NAALADL2: variants seen among roughly 807,000 people sequenced by gnomAD.
The protein encoded by NAALADL2 is inactive N-acetylated-alpha-linked acidic dipeptidase-like protein 2.
A neutral mutation model predicts 87.2 loss-of-function variants in NAALADL2; 76 were observed. The ratio of observed to expected loss-of-function variants is 0.87; its 90% CI spans 0.72 to 1.05. The LOEUF is 1.05. Ranked by LOEUF, NAALADL2 falls within the 50% of genes least tolerant of loss-of-function variation. The probability of loss-of-function intolerance (pLI) is 0.00; values close to 1 mark genes in which losing one functional copy is unlikely to be tolerated. For synonymous variants in NAALADL2, 354 were observed against 331.0 expected, an observed-to-expected ratio of 1.07 and a Z score of -0.75; for missense variants, 1,089 against 945.8, an observed-to-expected ratio of 1.15 and a Z score of -1.99.
At chr3:174,973,322 G>C (rs1743940913) in intron 1 of NAALADL2, among the ~76,000 whole-genome samples, 1 of 152,138 alleles carries the variant, frequency 6.6e-6, no homozygotes, top group African/African-American at 2.4e-5. Flanking sequence ...TTTTGTTTTA[G>C]AAGAAAGAAT....
At chr3:174,488,510 G>C (rs1717995432) in intron 1 of NAALADL2, among the ~76,000 whole-genome samples, 1 of 152,014 alleles carries the variant, frequency 6.6e-6, no homozygotes, top group African/African-American at 2.4e-5. Context: ...TTAATGTGCT[G>C]TACAAGACTT....
At chr3:174,958,796 C>T (rs750335165) in intron 1 of NAALADL2, among the ~76,000 whole-genome samples, 30 of 151,936 alleles carry the variant, frequency 2.0e-4, no homozygotes, top group African/African-American at 3.9e-4. Context: ...TCAATCAGTG[C>T]GAAGTTGGAA....
chr3:175,607,175 A>AT (rs1373380581), intron 10 of NAALADL2, among the ~76,000 whole-genome samples: 14 of 152,212 alleles, frequency 9.2e-5, no homozygotes, highest in Non-Finnish European at 1.9e-4. Context: ...TAGATTATAT[A>AT]TTTTTTAAAT....
intron 1 of NAALADL2, among the ~76,000 whole-genome samples, chr3:174,496,439 T>C (rs1481395769): frequency 1.3e-5 from 2 of 151,100 alleles, no homozygotes; most frequent in Non-Finnish European, 2.9e-5. Context: ...TTCTGAATGT[T>C]AAAGATATGT....
intron 4 of NAALADL2, among the ~76,000 whole-genome samples, chr3:175,306,844 T>C (rs1241759742): frequency 6.6e-6 from 1 of 152,090 alleles, no homozygotes; most frequent in Non-Finnish European, 1.5e-5. Context: ...TTCTTAGAGA[T>C]ACTCTATAGG....
chr3:175,658,508 A>C (rs1380199702), intron 11 of NAALADL2, among the ~76,000 whole-genome samples: 4 of 152,144 alleles, frequency 2.6e-5, no homozygotes, highest in African/African-American at 9.7e-5. Flanking sequence ...GAGGACTATA[A>C]AAATCTTTGA....
chr3:175,088,685 C>T (rs1012259797), intron 1 of NAALADL2, among the ~76,000 whole-genome samples: 2 of 151,958 alleles, frequency 1.3e-5, no homozygotes, highest in Non-Finnish European at 2.9e-5. Flanking sequence ...TGTGTAGATA[C>T]AAGCTTCAAC....
chr3:175,769,726 A>AAG (rs1749219671), intron 13 of NAALADL2, among the ~76,000 whole-genome samples: 1 of 151,220 alleles, frequency 6.6e-6, no homozygotes. Flanking sequence ...ATGTGTGTGC[A>AAG]TGTGTGTGTG....
chr3:174,857,191 A>G (rs1033898091), upstream of NAALADL2, among the ~76,000 whole-genome samples: 1 of 152,188 alleles, frequency 6.6e-6, no homozygotes, highest in Non-Finnish European at 1.5e-5. Context: ...AGGCATGTGC[A>G]AAACTCACCA....
At chr3:175,730,152 C>T (rs1024255886) in intron 11 of NAALADL2, among the ~76,000 whole-genome samples, 3 of 151,662 alleles carry the variant, frequency 2.0e-5, no homozygotes, top group African/African-American at 7.3e-5. Context: ...ATTGCAAATA[C>T]AGTCACCATA....
chr3:175,072,794 A>T (rs958972467), intron 1 of NAALADL2, among the ~76,000 whole-genome samples: 1 of 151,688 alleles, frequency 6.6e-6, no homozygotes, highest in Non-Finnish European at 1.5e-5. Context: ...CATATGTAAC[A>T]AACCTGCACA....
chr3:174,832,897 TGTC>T (rs1235848258), intron 3 of NAALADL2, among the ~76,000 whole-genome samples: 4 of 152,196 alleles, frequency 2.6e-5, no homozygotes, highest in African/African-American at 9.6e-5. Flanking sequence ...ACAAAAAAGA[TGTC>T]GTCGTGTAAT....
At chr3:175,372,681 A>G (rs1766657527) in intron 5 of NAALADL2, among the ~76,000 whole-genome samples, 1 of 152,202 alleles carries the variant, frequency 6.6e-6, no homozygotes, top group Non-Finnish European at 1.5e-5. Flanking sequence ...GATGAAATAC[A>G]TTTTATACCT....
intron 2 of NAALADL2, among the ~76,000 whole-genome samples, chr3:174,570,187 C>T (rs573645260): frequency 1.1e-4 from 16 of 151,698 alleles, no homozygotes; most frequent in Non-Finnish European, 1.9e-4. Context: ...TGTTCCAGTA[C>T]ATTTATTGAT....
chr3:175,535,918 T>C (rs80195939), intron 9 of NAALADL2, among the ~76,000 whole-genome samples: 1,825 of 152,312 alleles, frequency 0.012, 7 homozygotes, highest in Non-Finnish European at 0.018. Context: ...AGCACACTTA[T>C]GTGAAATGCA....
intron 5 of NAALADL2, among the ~76,000 whole-genome samples, chr3:175,385,704 A>G (rs1038427995): frequency 6.6e-6 from 1 of 152,166 alleles, no homozygotes; most frequent in Non-Finnish European, 1.5e-5. Context: ...TGAGTATATG[A>G]ATGTATCAAA....
chr3:174,811,040 C>T (rs1720130799), intron 3 of NAALADL2, among the ~76,000 whole-genome samples: 1 of 152,172 alleles, frequency 6.6e-6, no homozygotes, highest in South Asian at 2.1e-4. Context: ...GCCTGTGGTT[C>T]ACAGAGTGCA....
intron 3 of NAALADL2, among the ~76,000 whole-genome samples, chr3:174,840,120 G>A (rs540953779): frequency 2.6e-5 from 4 of 151,510 alleles, no homozygotes; most frequent in South Asian, 4.1e-4. Flanking sequence ...ATCAATCAAC[G>A]AGTGGATAAA....
At chr3:175,067,140 C>T (rs1172120233) in intron 1 of NAALADL2, among the ~76,000 whole-genome samples, 1 of 152,040 alleles carries the variant, frequency 6.6e-6, no homozygotes, top group Non-Finnish European at 1.5e-5. Context: ...CTGTAAAAAT[C>T]CTAGAAGAAA....
Sources: gnomAD v4.1 joint callset for allele counts (sites outside exome capture counted in the v4.1 genomes callset) on GRCh38, gnomAD v4.1.1 for gene constraint, MANE v1.5 for transcripts, NCBI Gene and HGNC (gene_info 2026-07-23, HGNC 2026-07-21) for gene names.